BET1: variants seen among roughly 807,000 people sequenced by gnomAD.
BET1 encodes BET1 homolog.
In BET1, 9 loss-of-function variants were observed where a neutral mutation model predicts 13.9. That is an observed-to-expected ratio of 0.65 (90% CI 0.39 to 1.13). The LOEUF is 1.13. BET1 is among the 50% of genes most tolerant of loss of function. The pLI is 0.01. For missense variants in BET1, 127 were observed against 133.6 expected, an observed-to-expected ratio of 0.95 and a Z score of 0.24; for synonymous variants, 39 against 47.3, an observed-to-expected ratio of 0.82 and a Z score of 0.72.
downstream of BET1, among the ~76,000 whole-genome samples, chr7:93,989,203 G>A (rs1325282859): frequency 6.6e-6 from 1 of 151,460 alleles, no homozygotes; most frequent in South Asian, 2.1e-4. Flanking sequence ...TAGTAGACAC[G>A]GGGTTTCATC....
chr7:93,977,470 T>G (rs1050624198), intron 4 of BET1, among the ~76,000 whole-genome samples: 1 of 152,150 alleles, frequency 6.6e-6, no homozygotes, highest in African/African-American at 2.4e-5. Context: ...TGAAACTAAT[T>G]TGAGAAAAAA....
downstream of BET1, chr7:93,992,661 C>A: frequency 1.0e-6 from 1 of 985,166 alleles, no homozygotes; most frequent in Non-Finnish European, 1.2e-6. Flanking sequence ...ATTGTCTTGT[C>A]CTTAAAATAA....
chr7:93,987,676 CAG>C (rs1447822763), intron 4 of BET1, among the ~76,000 whole-genome samples: 30 of 151,964 alleles, frequency 2.0e-4, no homozygotes, highest in African/African-American at 7.0e-4. Context: ...GGGAGAGAAA[CAG>C]AGTTGTAAAG....
chr7:93,964,694 C>A (rs756194863), exon 7 of BET1: 1 of 151,968 alleles, frequency 6.6e-6, no homozygotes, highest in African/African-American at 2.4e-5. Context: ...GCCATTCAAG[C>A]GGCCAAGAAA....
chr7:93,992,892 G>A (rs1332285435), downstream of BET1: 20 of 985,120 alleles, frequency 2.0e-5, no homozygotes, highest in South Asian at 1.4e-4. Context: ...CCCATCACAC[G>A]TCAGGCTTAT....
At chr7:94,000,926 C>A (rs911990238) in intron 1 of BET1, among the ~76,000 whole-genome samples, 4 of 152,008 alleles carry the variant, frequency 2.6e-5, no homozygotes, top group Non-Finnish European at 5.9e-5. Flanking sequence ...TCACTTGAGG[C>A]CAGGAATTTG....
At chr7:93,981,018 T>C (rs1024193666) in intron 4 of BET1, among the ~76,000 whole-genome samples, 3 of 152,214 alleles carry the variant, frequency 2.0e-5, no homozygotes, top group African/African-American at 4.8e-5. Flanking sequence ...CTCTGGGCTT[T>C]ATTTTAGACA....
chr7:94,001,723 A>G (rs1057059834), intron 1 of BET1, among the ~76,000 whole-genome samples: 1 of 152,218 alleles, frequency 6.6e-6, no homozygotes, highest in Non-Finnish European at 1.5e-5. Flanking sequence ...ATAAGGGCCA[A>G]GATACTTAAA....
intron 6 of BET1, among the ~76,000 whole-genome samples, chr7:93,968,023 A>C (rs1159758420): frequency 6.6e-6 from 1 of 151,714 alleles, no homozygotes. Context: ...CCATTTTCTT[A>C]ACGTAATAAT....
chr7:93,996,343 C>A, intron 2 of BET1, 22 bp from the exon 3 acceptor site: 2 of 1,474,890 alleles, frequency 1.4e-6, no homozygotes, highest in South Asian at 2.6e-5. Flanking sequence ...AAGGTATACA[C>A]AGGATTACTC....
intron 2 of BET1, 70 bp from the exon 3 acceptor site, chr7:93,996,391 G>T (rs184389575): frequency 4.5e-4 from 509 of 1,121,102 alleles, no homozygotes; most frequent in Admixed American, 6.9e-4. Flanking sequence ...TAAAAATAAT[G>T]TCATTCTAAG....
At chr7:93,998,437 A>G (rs1317561757) in intron 2 of BET1, among the ~76,000 whole-genome samples, 1 of 152,116 alleles carries the variant, frequency 6.6e-6, no homozygotes, top group African/African-American at 2.4e-5. Context: ...GGTGGCTCAC[A>G]CCTATAATCC....
chr7:93,990,228 A>T (rs961492399), downstream of BET1, among the ~76,000 whole-genome samples: 1 of 152,042 alleles, frequency 6.6e-6, no homozygotes, highest in African/African-American at 2.4e-5. Context: ...ATTACCTCAC[A>T]TAAAACTCAT....
At chr7:93,972,294 G>T (rs888286423) in intron 6 of BET1, 2 of 151,820 alleles carry the variant, frequency 1.3e-5, no homozygotes, top group East Asian at 3.9e-4. Context: ...TGCTATCATT[G>T]TCGTTGGCTT....
At chr7:93,971,216 TCCCTTCACA>T (rs1171309366) in intron 6 of BET1, among the ~76,000 whole-genome samples, 1 of 151,824 alleles carries the variant, frequency 6.6e-6, no homozygotes, top group Admixed American at 6.6e-5. Flanking sequence ...CACCTTTGTT[TCCCTTCACA>T]CTTCATTTAA....
chr7:93,963,818 C>T (rs1348538053), exon 7 of BET1: 1 of 151,950 alleles, frequency 6.6e-6, no homozygotes, highest in East Asian at 1.9e-4. Context: ...TCAAAACATA[C>T]TTTTTAAAAA....
rs183180136 is a variant in BET1 at position 93,967,473 on chromosome 7, T to C, written c.*138-1786A>G. On this transcript the variant is annotated intron_variant and NMD_transcript_variant, in intron 6 of 6. Transcript: ENST00000357520. ...TGTCATGTGATATTACTGGGATCAA[T>C]TCTCATAGGATGAGATCTAAGAATT... 2.1e-3 allele frequency among the ~76,000 whole-genome samples: 317 copies of C among 151,926 alleles called. 4 individuals carry two copies. The highest frequency in any genetic ancestry group is 0.018 in the South Asian group (85 of 4,818).
intron 1 of BET1, chr7:93,999,555 A>G: frequency 2.1e-6 from 1 of 465,566 alleles, no homozygotes; most frequent in Non-Finnish European, 4.0e-6. Context: ...TGTCCAGAAG[A>G]TACAAAAATA....
rs558877959 is a variant in BET1 at position 93,993,467 on chromosome 7, T to C, written c.*763A>G. On this transcript the variant is annotated 3_prime_UTR_variant, in exon 4 of 4. Transcript: ENST00000222547. ...CATACTATTTCCATTTAAAGTTCAG[T>C]AATTACTTAACTTCACATTATTCTG... The C allele has an allele frequency of 1.3e-5, 13 of 981,092 alleles. No individual in the cohort carries two copies. The African/African-American group carries it at 2.3e-4, about 17-fold the overall frequency. The allele number at this position is 981,092 out of a possible 1,614,324, so 60.8% of individuals were successfully genotyped here.
Sources: gnomAD v4.1 joint callset for allele counts (sites outside exome capture counted in the v4.1 genomes callset) on GRCh38, gnomAD v4.1.1 for gene constraint, MANE v1.5 for transcripts, NCBI Gene and HGNC (gene_info 2026-07-23, HGNC 2026-07-21) for gene names.